Variants in HIKESHI observed in about 807,000 individuals in gnomAD.
The protein encoded by HIKESHI is heat shock protein nuclear import factor hikeshi.
A neutral mutation model predicts 25.7 loss-of-function variants in HIKESHI; 13 were observed. That is an observed-to-expected ratio of 0.51 (90% confidence interval 0.33 to 0.80). HIKESHI has a LOEUF of 0.80. Among genes scored for constraint, HIKESHI ranks in the 30% least tolerant of loss-of-function variants. The pLI, the probability that HIKESHI is intolerant of heterozygous loss-of-function variation, is 0.02. For synonymous variants in HIKESHI, 76 were observed against 78.7 expected (o/e 0.97, Z 0.18); for missense variants, 174 against 229.5 (o/e 0.76, Z 1.56).
Position 86,318,543 on chromosome 11 carries a change from C to CA in HIKESHI, c.268+12063dup, listed in dbSNP as rs373306295. Among the ~76,000 whole-genome samples the CA allele has an allele frequency of 6.8e-3, 1,038 of 151,920 alleles. 10 individuals are homozygous for CA. Among genetic ancestry groups the CA allele is most frequent in the African/African-American group, 0.023 (960 of 41,432 alleles). On this transcript the variant is annotated intron_variant, in intron 2 of 4. Coordinates refer to ENST00000278483, the MANE Select transcript of HIKESHI (RefSeq NM_016401.4). ...GAAGCCAATATAACCTTCATACCAA[C>CA]AATGGCCAAAGACAATATGAGAGAG...
chr11:86,335,701 G>A (rs1947536376), intron 2 of HIKESHI, among the ~76,000 whole-genome samples: 1 of 152,174 alleles, frequency 6.6e-6, no homozygotes, highest in Non-Finnish European at 1.5e-5. Flanking sequence ...TAATGGAACA[G>A]AGACTTCACT....
chr11:86,316,678 A>G (rs533567259), intron 2 of HIKESHI, among the ~76,000 whole-genome samples: 1 of 152,022 alleles, frequency 6.6e-6, no homozygotes, highest in African/African-American at 2.4e-5. Flanking sequence ...AACTTACCAG[A>G]GAAAACAGAG....
rs570990560 is a variant in HIKESHI, at chr11:86,328,930, G to A, written c.269-8449G>A. Among the ~76,000 whole-genome samples, 122 of 107,868 alleles carry A rather than the reference G, an allele frequency of 1.1e-3. 1 individual carries two copies. Among genetic ancestry groups the A allele is most frequent in the African/African-American group, 3.7e-3 (112 of 30,182 alleles). The allele number at this position is 107,868 out of a possible 152,430, so 70.8% of individuals were successfully genotyped here. ...TTTGTGTGTGTGTGTGTGTGTGTGC[G>A]CGCACACACACACACACGCTCCTCA... On this transcript the variant is annotated intron_variant, in intron 2 of 4. Coordinates refer to ENST00000278483, the MANE Select transcript of HIKESHI (RefSeq NM_016401.4).
At chr11:86,307,024 T>TAA (rs1946645168) in intron 2 of HIKESHI, among the ~76,000 whole-genome samples, 3 of 144,980 alleles carry the variant, frequency 2.1e-5, no homozygotes, top group South Asian at 4.3e-4. Flanking sequence ...TATATATATA[T>TAA]ATATAAATAT....
In HIKESHI at chr11:86,302,259, G is replaced by A; in HGVS notation, c.-190G>A. The A allele has an allele frequency of 4.6e-6, 3 of 649,824 alleles. No homozygotes were observed. Among genetic ancestry groups the A allele is most frequent in the African/African-American group, 1.8e-5 (1 of 55,928 alleles). The allele number at this position is 649,824 out of a possible 1,614,324, so 40.3% of individuals were successfully genotyped here. Reference sequence around the variant, plus strand: ...GTACTTGTTGCCTGAGCAGTGGGCTGCTTAGGAAGAGAAGGTCAGAGTTCG... The same window carrying A: ...GTACTTGTTGCCTGAGCAGTGGGCTACTTAGGAAGAGAAGGTCAGAGTTCG... On this transcript the variant is annotated 5_prime_UTR_variant, in exon 1 of 5. Coordinates refer to ENST00000278483, the MANE Select transcript of HIKESHI (RefSeq NM_016401.4).
At chr11:86,331,666 A>G (rs1947427850) in intron 2 of HIKESHI, among the ~76,000 whole-genome samples, 1 of 152,150 alleles carries the variant, frequency 6.6e-6, no homozygotes, top group South Asian at 2.1e-4. Context: ...TGCTTCATTA[A>G]GTACCTTTCA....
At chr11:86,305,757 T>C (rs1183288320) in intron 1 of HIKESHI, among the ~76,000 whole-genome samples, 1 of 152,064 alleles carries the variant, frequency 6.6e-6, no homozygotes, top group Non-Finnish European at 1.5e-5. Context: ...ATTTTTAGTT[T>C]TTGAGACAGT....
chr11:86,325,258 C>T (rs1947246711), intron 2 of HIKESHI, among the ~76,000 whole-genome samples: 1 of 151,998 alleles, frequency 6.6e-6, no homozygotes, highest in African/African-American at 2.4e-5. Context: ...GAACAGATTT[C>T]TTAACTTCAC....
At chr11:86,333,894 C>T (rs1299497830) in intron 2 of HIKESHI, among the ~76,000 whole-genome samples, 3 of 152,014 alleles carry the variant, frequency 2.0e-5, no homozygotes, top group Non-Finnish European at 4.4e-5. Context: ...AATTATGAGC[C>T]GTTAAAGGTT....
At chr11:86,303,414 G>C (rs1261150890) in intron 1 of HIKESHI, 2 of 984,100 alleles carry the variant, frequency 2.0e-6, no homozygotes, top group Non-Finnish European at 2.4e-6. Context: ...TTTGTCTCTT[G>C]AATGACTGGG....
chr11:86,303,367 C>T, intron 1 of HIKESHI: 1 of 977,042 alleles, frequency 1.0e-6, no homozygotes, highest in South Asian at 4.7e-5. Flanking sequence ...TTCTAAGAAG[C>T]CAGAAAGATA....
chr11:86,333,428 G>A (rs1291707237), intron 2 of HIKESHI, among the ~76,000 whole-genome samples: 2 of 151,842 alleles, frequency 1.3e-5, no homozygotes. Flanking sequence ...CCAGCTACTC[G>A]GGAGGCTGAG....
Position 86,307,125 on chromosome 11 carries a change from A to G in HIKESHI, c.268+643A>G, listed in dbSNP as rs169729. The stretch of plus-strand genomic sequence containing the variant: ...ATCATGTATCAAATATATATTATGT[A>G]TAATATACATCATATATCAAATATA... On this transcript the variant is annotated intron_variant, in intron 2 of 4. Coordinates refer to ENST00000278483, the MANE Select transcript of HIKESHI (RefSeq NM_016401.4). Among the ~76,000 whole-genome samples, 18 of 114,484 alleles carry G rather than the reference A, an allele frequency of 1.6e-4. 1 individual carries two copies. Among genetic ancestry groups the G allele is most frequent in the South Asian group, 6.2e-4 (2 of 3,220 alleles). 75.1% of individuals were successfully genotyped at this position (114,484 alleles called of 152,430 possible). A position where few individuals can be genotyped will look rare whatever the true frequency, so the allele number is the denominator to read the frequency against.
intron 4 of HIKESHI, chr11:86,345,366 C>A: frequency 4.9e-6 from 2 of 411,802 alleles, no homozygotes; most frequent in East Asian, 4.4e-5. Flanking sequence ...ATGATTTGTG[C>A]TCTCTGATAA....
At chr11:86,344,783 A>G in intron 4 of HIKESHI, 62 bp downstream of exon 4, 1 of 1,098,844 alleles carries the variant, frequency 9.1e-7, no homozygotes, top group Non-Finnish European at 1.4e-6. Flanking sequence ...TATTTTGTCT[A>G]TGAATATATT....
chr11:86,314,721 G>T (rs1946928123), intron 2 of HIKESHI, among the ~76,000 whole-genome samples: 2 of 152,094 alleles, frequency 1.3e-5, no homozygotes, highest in South Asian at 4.1e-4. Flanking sequence ...TAATTTTAAG[G>T]AGCAGATTAA....
Position 86,304,966 on chromosome 11 carries a change from C to A in HIKESHI, c.31-1279C>A, listed in dbSNP as rs138489000. On this transcript the variant is annotated intron_variant, in intron 1 of 4. Coordinates refer to ENST00000278483, the MANE Select transcript of HIKESHI (RefSeq NM_016401.4). ...GTGAATAAGGAGGATTGCCTAATTA[C>A]TTCTGGATTGCTTACCTGTTTTAAT... Among the ~76,000 whole-genome samples the A allele has an allele frequency of 4.4e-4, 67 of 152,268 alleles. No homozygotes were observed. In the Middle Eastern group the frequency reaches 0.01, roughly 23 times the overall value.
At chr11:86,306,709 AT>A (rs1324204379) in intron 2 of HIKESHI, among the ~76,000 whole-genome samples, 1 of 151,632 alleles carries the variant, frequency 6.6e-6, no homozygotes, top group African/African-American at 2.4e-5. Context: ...TCATAAAAAT[AT>A]TTTTTTTGGC....
At chr11:86,340,336 C>T (rs1947691935) in intron 3 of HIKESHI, among the ~76,000 whole-genome samples, 2 of 152,188 alleles carry the variant, frequency 1.3e-5, no homozygotes, top group East Asian at 3.8e-4. Context: ...CACTGTCTTC[C>T]ACAATGGTTG....
Sources: allele counts gnomAD v4.1 joint callset (sites outside exome capture counted in the v4.1 genomes callset), GRCh38; gene constraint gnomAD v4.1.1; transcripts MANE v1.5; gene names NCBI Gene and HGNC (gene_info 2026-07-23, HGNC 2026-07-21).